The following FMNL2 variants were observed in gnomAD, a reference collection of about 807,000 sequenced individuals.
FMNL2 encodes the protein formin-like protein 2.
Under a neutral mutation model 130.2 loss-of-function variants are expected in FMNL2, and 51 were observed. The observed-to-expected ratio is 0.39, with a 90% CI of 0.31 to 0.49. The LOEUF (loss-of-function observed/expected upper bound fraction) is 0.49. FMNL2 is among the 20% of genes least tolerant of loss of function. The pLI, the probability that FMNL2 is intolerant of heterozygous loss-of-function variation, is 0.85. For synonymous variants in FMNL2, 465 were observed against 467.1 expected (o/e 1.00, Z 0.06); for missense variants, 977 against 1,316.2 (o/e 0.74, Z 3.99).
At chr2:152,618,346 T>G (rs1699061360) in intron 13 of FMNL2, among the ~76,000 whole-genome samples, 2 of 152,158 alleles carry the variant, frequency 1.3e-5, no homozygotes, top group Non-Finnish European at 2.9e-5. Flanking sequence ...AGAAAGCCAT[T>G]CAGAAACAGT....
intron 1 of FMNL2, among the ~76,000 whole-genome samples, chr2:152,378,092 A>G (rs1015660511): frequency 2.2e-4 from 32 of 148,310 alleles, no homozygotes; most frequent in African/African-American, 7.2e-4. Flanking sequence ...AGCCTAGGTG[A>G]CAGAGTGAGA....
chr2:152,567,690 A>G (rs993591902), intron 6 of FMNL2, among the ~76,000 whole-genome samples: 33 of 152,270 alleles, frequency 2.2e-4, no homozygotes, highest in Non-Finnish European at 2.9e-5. Context: ...CCTTGGAACC[A>G]TAAAAGACTG....
intron 8 of FMNL2, among the ~76,000 whole-genome samples, chr2:152,580,636 C>T (rs372326186): frequency 1.3e-5 from 2 of 152,046 alleles, no homozygotes; most frequent in East Asian, 1.9e-4. Context: ...TTTTAGCGTA[C>T]CAGTAAACAT....
At chr2:152,628,599 C>A in intron 18 of FMNL2, 66 bp downstream of exon 18, 1 of 1,415,114 alleles carries the variant, frequency 7.1e-7, no homozygotes, top group South Asian at 1.2e-5. Flanking sequence ...TTTTTAAAGT[C>A]TCTCCCAGAA....
intron 1 of FMNL2, among the ~76,000 whole-genome samples, chr2:152,426,852 T>C (rs1183984260): frequency 2.0e-5 from 3 of 152,232 alleles, no homozygotes; most frequent in Non-Finnish European, 4.4e-5. Context: ...CATTAGGCAG[T>C]GGTCTCTAAG....
rs1698718355 is a variant in FMNL2 at position 152,612,172 on chromosome 2, G to C, written c.1062+567G>C. 3.9e-5 allele frequency among the ~76,000 whole-genome samples: 6 copies of C among 152,314 alleles called. No individual in the cohort carries two copies. The South Asian group carries it at 1.2e-3, about 32-fold the overall frequency. On this transcript the variant is annotated intron_variant, in intron 11 of 25. Coordinates refer to ENST00000288670, the MANE Select transcript of FMNL2 (RefSeq NM_052905.4). ...CCCTTTTTCTCACTCCCTTGCAGAA[G>C]AGTTTAGCCAGTTCCCTGAAGTTCT...
intron 1 of FMNL2, among the ~76,000 whole-genome samples, chr2:152,427,623 T>A (rs1048568065): frequency 1.3e-5 from 2 of 152,074 alleles, no homozygotes; most frequent in African/African-American, 2.4e-5. Context: ...ACATAACATC[T>A]CTCTTAAAAA....
At chr2:152,582,950 G>T (rs1276697997) in intron 9 of FMNL2, among the ~76,000 whole-genome samples, 6 of 152,120 alleles carry the variant, frequency 3.9e-5, no homozygotes, top group African/African-American at 1.4e-4. Flanking sequence ...ATAAAAGCCA[G>T]GAATTCATGA....
intron 3 of FMNL2, among the ~76,000 whole-genome samples, chr2:152,545,001 G>C (rs1000473502): frequency 6.6e-6 from 1 of 152,192 alleles, no homozygotes; most frequent in South Asian, 2.1e-4. Context: ...CGACATTTCT[G>C]CCCTGGCCCA....
At chr2:152,369,285 A>G (rs11674872) in intron 1 of FMNL2, among the ~76,000 whole-genome samples, 37,341 of 152,144 alleles carry the variant, frequency 0.25, 5,020 homozygotes, top group African/African-American at 0.35. Context: ...ACATTTACAC[A>G]AGGTTGTAGG....
At chr2:152,395,577 A>G (rs1685348136) in intron 1 of FMNL2, among the ~76,000 whole-genome samples, 1 of 152,190 alleles carries the variant, frequency 6.6e-6, no homozygotes, top group African/African-American at 2.4e-5. Flanking sequence ...TTTGAAACCT[A>G]TGTTTTTATT....
chr2:152,494,840 G>T (rs1691412663), intron 1 of FMNL2, among the ~76,000 whole-genome samples: 1 of 152,102 alleles, frequency 6.6e-6, no homozygotes, highest in Non-Finnish European at 1.5e-5. Flanking sequence ...TTGACTCTTG[G>T]CTCTGAAATC....
intron 21 of FMNL2, among the ~76,000 whole-genome samples, chr2:152,632,671 A>C (rs1682257875): frequency 6.6e-6 from 1 of 152,208 alleles, no homozygotes; most frequent in African/African-American, 2.4e-5. Context: ...ATTATAGGTG[A>C]GAAAATTGAG....
intron 1 of FMNL2, among the ~76,000 whole-genome samples, chr2:152,502,809 C>T (rs990961460): frequency 4.6e-5 from 7 of 151,948 alleles, no homozygotes; most frequent in South Asian, 2.1e-4. Flanking sequence ...GGAAAGGGAG[C>T]GAGTTCTTGT....
At chr2:152,591,789 C>T (rs1003205299) in intron 9 of FMNL2, among the ~76,000 whole-genome samples, 1 of 151,266 alleles carries the variant, frequency 6.6e-6, no homozygotes, top group Admixed American at 6.6e-5. Flanking sequence ...CTGGGCGACA[C>T]AGCGAGAACC....
intron 1 of FMNL2, among the ~76,000 whole-genome samples, chr2:152,387,048 T>C (rs1298345988): frequency 1.3e-5 from 2 of 152,300 alleles, no homozygotes; most frequent in African/African-American, 4.8e-5. Context: ...GGTTCATAGA[T>C]ATTTCATGAA....
At chr2:152,339,096 T>G (rs1342421673) in intron 1 of FMNL2, among the ~76,000 whole-genome samples, 2 of 152,264 alleles carry the variant, frequency 1.3e-5, no homozygotes, top group Non-Finnish European at 2.9e-5. Flanking sequence ...TGTCTAATTT[T>G]GGGGGTTACA....
At chr2:152,412,208 C>T (rs572802242) in intron 1 of FMNL2, among the ~76,000 whole-genome samples, 21 of 151,888 alleles carry the variant, frequency 1.4e-4, no homozygotes, top group African/African-American at 5.1e-4. Flanking sequence ...TGGCAGGTGG[C>T]ATTTGGAGCC....
intron 1 of FMNL2, among the ~76,000 whole-genome samples, chr2:152,456,911 C>G (rs1465539795): frequency 6.7e-6 from 1 of 148,250 alleles, no homozygotes. Flanking sequence ...ACACTCCAGC[C>G]TGATGACAGA....
Sources: gnomAD v4.1 joint callset for allele counts (sites outside exome capture counted in the v4.1 genomes callset) on GRCh38, gnomAD v4.1.1 for gene constraint, MANE v1.5 for transcripts, NCBI Gene and HGNC (gene_info 2026-07-23, HGNC 2026-07-21) for gene names.